Variants in PARG observed in about 807,000 individuals in gnomAD.
The protein encoded by PARG is mitochondrial poly(ADP-ribose) glycohydrolase.
In PARG, 35 loss-of-function variants were observed where a neutral mutation model predicts 113.0. The observed-to-expected ratio is 0.31, with a 90% CI of 0.24 to 0.41. PARG has a LOEUF of 0.41. PARG is among the 10% of genes least tolerant of loss of function. The pLI is 1.00. For missense variants in PARG, 797 were observed against 1,169.4 expected (o/e 0.68, Z 4.64); for synonymous variants, 330 against 409.9 (o/e 0.81, Z 2.36).
chr10:49,903,565 C>T (rs1434723608), intron 7 of PARG, among the ~76,000 whole-genome samples: 1 of 152,060 alleles, frequency 6.6e-6, no homozygotes, highest in Non-Finnish European at 1.5e-5. Flanking sequence ...TCAGACATTT[C>T]GTGGCTATAT....
chr10:49,922,227 G>A (rs1222766955), intron 6 of PARG, 109 bp downstream of exon 6: 20 of 1,165,038 alleles, frequency 1.7e-5, no homozygotes, highest in Non-Finnish European at 2.4e-5. Context: ...CAGGAAGCAA[G>A]CATTTTGCAT....
intron 7 of PARG, among the ~76,000 whole-genome samples, chr10:49,899,499 C>T (rs1255241414): frequency 2.6e-5 from 4 of 152,122 alleles, no homozygotes; most frequent in Admixed American, 1.3e-4. Context: ...TCATGTGTAT[C>T]GCCCATGACA....
At chr10:49,854,663 T>C (rs1845905659) in intron 13 of PARG, among the ~76,000 whole-genome samples, 2 of 144,586 alleles carry the variant, frequency 1.4e-5, no homozygotes, top group Non-Finnish European at 3.0e-5. Flanking sequence ...GTGTTGAAGG[T>C]AGGCTGCACC....
intron 16 of PARG, among the ~76,000 whole-genome samples, chr10:49,824,830 G>C (rs1011080780): frequency 1.3e-5 from 2 of 151,970 alleles, no homozygotes; most frequent in East Asian, 1.9e-4. Context: ...TTTGTCTCAG[G>C]TCACACAGCC....
intron 11 of PARG, among the ~76,000 whole-genome samples, chr10:49,862,438 T>C (rs1360967394): frequency 6.6e-6 from 1 of 151,936 alleles, no homozygotes; most frequent in Non-Finnish European, 1.5e-5. Context: ...GAGATGATTA[T>C]ATTTTTAGAA....
intron 7 of PARG, among the ~76,000 whole-genome samples, chr10:49,904,716 G>A (rs1289481713): frequency 7.2e-5 from 11 of 151,902 alleles, no homozygotes; most frequent in Admixed American, 1.3e-4. Flanking sequence ...AGGGATTTGA[G>A]ACCAGCCTGG....
chr10:49,828,953 G>A (rs939460733), intron 16 of PARG, among the ~76,000 whole-genome samples: 1 of 152,138 alleles, frequency 6.6e-6, no homozygotes, highest in Non-Finnish European at 1.5e-5. Flanking sequence ...AAAATATTTT[G>A]CCAGCCGGGC....
At chr10:49,905,311 A>G (rs1252968805) in intron 7 of PARG, among the ~76,000 whole-genome samples, 4 of 152,370 alleles carry the variant, frequency 2.6e-5, no homozygotes, top group African/African-American at 9.6e-5. Context: ...GGAAATATAT[A>G]AAAGATGGCA....
At chr10:49,826,205 A>G (rs1387897581) in intron 16 of PARG, among the ~76,000 whole-genome samples, 1 of 152,198 alleles carries the variant, frequency 6.6e-6, no homozygotes, top group African/African-American at 2.4e-5. Flanking sequence ...GCCACAAAAA[A>G]GGATAATACA....
At chr10:49,834,256 G>C (rs903328568) in intron 15 of PARG, among the ~76,000 whole-genome samples, 2 of 152,094 alleles carry the variant, frequency 1.3e-5, no homozygotes, top group South Asian at 4.1e-4. Flanking sequence ...CAAACCCTCT[G>C]GAAGAATAAA....
At chr10:49,866,994 T>G (rs1484295097) in intron 10 of PARG, 1 of 139,662 alleles carries the variant, frequency 7.2e-6, no homozygotes, top group Non-Finnish European at 1.6e-5. Context: ...AATTCTAGTT[T>G]ATCAATTCTA....
At chr10:49,931,917 TTTG>T (rs1415848738) in intron 4 of PARG, among the ~76,000 whole-genome samples, 180 bp downstream of exon 4, 55 of 152,280 alleles carry the variant, frequency 3.6e-4, no homozygotes, top group Non-Finnish European at 7.3e-5. Context: ...TGATTGCTAA[TTTG>T]TTAAGTTCTA....
intron 7 of PARG, among the ~76,000 whole-genome samples, chr10:49,902,192 A>G (rs1197383877): frequency 1.3e-5 from 2 of 152,166 alleles, no homozygotes; most frequent in East Asian, 3.8e-4. Flanking sequence ...CAGATGATTA[A>G]ATCTGTAGCT....
intron 15 of PARG, among the ~76,000 whole-genome samples, chr10:49,840,437 C>T (rs1348755622): frequency 6.7e-6 from 1 of 150,196 alleles, no homozygotes; most frequent in Non-Finnish European, 1.5e-5. Flanking sequence ...ATCTTCAGTA[C>T]AGGCAAATCT....
chr10:49,842,660 A>G (rs913264991), intron 14 of PARG, among the ~76,000 whole-genome samples: 31 of 152,238 alleles, frequency 2.0e-4, no homozygotes, highest in African/African-American at 6.3e-4. Flanking sequence ...ACTGGTTGAG[A>G]TGATAATTTT....
chr10:49,905,231 A>C (rs1460721262), intron 7 of PARG, among the ~76,000 whole-genome samples: 1 of 152,306 alleles, frequency 6.6e-6, no homozygotes, highest in Non-Finnish European at 1.5e-5. Flanking sequence ...ATTAAGTAGG[A>C]GCAGACTGAT....
At chr10:49,835,168 A>G (rs1844854563) in intron 15 of PARG, among the ~76,000 whole-genome samples, 2 of 152,142 alleles carry the variant, frequency 1.3e-5, no homozygotes. Context: ...AGAGACCTTA[A>G]AAGAGTTGCC....
chr10:49,845,775 T>C (rs545842852), intron 13 of PARG, among the ~76,000 whole-genome samples: 2 of 150,378 alleles, frequency 1.3e-5, no homozygotes, highest in African/African-American at 4.8e-5. Context: ...CAGGCACCTA[T>C]AATCCCAGCT....
intron 11 of PARG, among the ~76,000 whole-genome samples, chr10:49,862,799 C>T (rs1240647103): frequency 6.6e-6 from 1 of 151,968 alleles, no homozygotes; most frequent in African/African-American, 2.4e-5. Flanking sequence ...TTCCCAGTCT[C>T]TTGTAGAAAA....
Sources: allele counts gnomAD v4.1 joint callset (sites outside exome capture counted in the v4.1 genomes callset), GRCh38; gene constraint gnomAD v4.1.1; transcripts MANE v1.5; gene names NCBI Gene and HGNC (gene_info 2026-07-23, HGNC 2026-07-21).